The following IPP variants were observed in gnomAD, a reference collection of about 807,000 sequenced individuals.
IPP encodes the protein actin-binding protein IPP.
IPP carries 41 observed loss-of-function variants against 64.1 expected under a neutral mutation model. The observed-to-expected ratio is 0.64, with a 90% CI of 0.50 to 0.83. The LOEUF (loss-of-function observed/expected upper bound fraction) is 0.83, where lower values mean the gene tolerates loss of function less well. Ranked by LOEUF, IPP falls within the 40% of genes least tolerant of loss-of-function variation. The pLI is 0.00. For missense variants in IPP, 649 were observed against 703.0 expected (o/e 0.92, Z 0.87); for synonymous variants, 214 against 235.2 (o/e 0.91, Z 0.83).
At chr1:45,713,203 G>C (rs368833833) in intron 8 of IPP, among the ~76,000 whole-genome samples, 2 of 152,084 alleles carry the variant, frequency 1.3e-5, no homozygotes, top group Admixed American at 1.3e-4. Context: ...CAAGGCAGGA[G>C]AATCGCTTAA....
intron 2 of IPP, among the ~76,000 whole-genome samples, chr1:45,742,229 T>C (rs867497262): frequency 6.7e-6 from 1 of 149,834 alleles, no homozygotes; most frequent in African/African-American, 2.5e-5. Context: ...GAGTGGAGGG[T>C]AGGAGGAGGG....
chr1:45,727,000 G>T (rs1645837395), intron 5 of IPP, among the ~76,000 whole-genome samples: 1 of 151,880 alleles, frequency 6.6e-6, no homozygotes, highest in Non-Finnish European at 1.5e-5. Context: ...TGCTAGGAGG[G>T]ATTACAGGCA....
chr1:45,722,474 G>A (rs776419923), intron 5 of IPP, among the ~76,000 whole-genome samples: 4 of 152,094 alleles, frequency 2.6e-5, no homozygotes, highest in Non-Finnish European at 5.9e-5. Flanking sequence ...GAATCCAGGA[G>A]GCAGAGGTTG....
chr1:45,740,942 A>C lies in IPP; in HGVS notation c.683T>G (p.Phe228Cys), dbSNP rs150212183. Residue 228 changes from phenylalanine to cysteine, a missense_variant, in exon 3 of 9, where the codon TTC becomes TGC. Physicochemically the swap from Phe to Cys is radical, Grantham distance 205. Transcript: ENST00000396478. ...HVVEVLDPIR[F>C]PLLPPQRLLK... ...AAGTCTCTGAGGAGGTAATAAAGGG[A>C]ATCGAATTGGGTCTAGCACTTCCAC... 7.1e-5 allele frequency: 115 copies of C among 1,609,172 alleles called. No homozygotes were observed. Among genetic ancestry groups the C allele is most frequent in the Non-Finnish European group, 9.6e-5 (113 of 1,178,608 alleles).
At chr1:45,735,560 C>T (rs1645967500) in intron 3 of IPP, among the ~76,000 whole-genome samples, 1 of 144,522 alleles carries the variant, frequency 6.9e-6, no homozygotes, top group Non-Finnish European at 1.5e-5. Context: ...GCAGCCTCGA[C>T]CTCCTTGGCT....
At chr1:45,701,062 C>G (rs1645443934) in intron 8 of IPP, among the ~76,000 whole-genome samples, 1 of 152,172 alleles carries the variant, frequency 6.6e-6, no homozygotes, top group Non-Finnish European at 1.5e-5. Flanking sequence ...CTATAGTCTA[C>G]TTTGGTATAG....
At chr1:45,702,126 C>A (rs1048339759) in intron 8 of IPP, among the ~76,000 whole-genome samples, 2 of 152,136 alleles carry the variant, frequency 1.3e-5, no homozygotes, top group African/African-American at 4.8e-5. Context: ...AGAACCTTTG[C>A]TCTCCCACAA....
At chr1:45,698,697 A>G (rs1404247826), downstream of IPP, 5 of 961,812 alleles carry the variant, frequency 5.2e-6, no homozygotes, top group African/African-American at 9.1e-5. Context: ...AATCTAGCAA[A>G]AAAGGAAGAA....
At chr1:45,743,030 T>C (rs73612667) in intron 2 of IPP, among the ~76,000 whole-genome samples, 4 of 151,940 alleles carry the variant, frequency 2.6e-5, no homozygotes, top group Non-Finnish European at 1.5e-5. Flanking sequence ...CAACACCTCC[T>C]GGGTTCAAGT....
Position 45,701,735 on chromosome 1 carries a change from A to G in IPP, c.1531-1545T>C, listed in dbSNP as rs374720762. ...AATCTTTAAATAAAGCATATGATGA[A>G]CAAAGTTTTTTTAATCATAAATAGT... On this transcript the variant is annotated intron_variant, in intron 8 of 8. Coordinates refer to ENST00000396478, the MANE Select transcript of IPP (RefSeq NM_005897.3). 2.6e-5 allele frequency among the ~76,000 whole-genome samples: 4 copies of G among 152,350 alleles called. No individual in the cohort carries two copies. In the East Asian group the frequency reaches 7.7e-4, roughly 29 times the overall value.
intron 1 of IPP, among the ~76,000 whole-genome samples, chr1:45,746,969 T>C (rs1213939617): frequency 6.6e-6 from 1 of 152,182 alleles, no homozygotes; most frequent in Non-Finnish European, 1.5e-5. Flanking sequence ...CCTTTCCCCA[T>C]TGCTCCTCTG....
At chr1:45,708,362 C>G (rs1645542872) in intron 8 of IPP, among the ~76,000 whole-genome samples, 1 of 150,738 alleles carries the variant, frequency 6.6e-6, no homozygotes, top group African/African-American at 2.4e-5. Context: ...CCGCGCCCAG[C>G]CCAGGGTGAT....
intron 3 of IPP, among the ~76,000 whole-genome samples, chr1:45,737,074 G>C (rs1202819239): frequency 6.6e-6 from 1 of 151,458 alleles, no homozygotes; most frequent in East Asian, 1.9e-4. Flanking sequence ...AAAGCTGTAG[G>C]AAAACATGTC....
intron 7 of IPP, among the ~76,000 whole-genome samples, chr1:45,715,628 G>A (rs1408575121): frequency 6.7e-5 from 10 of 149,504 alleles, no homozygotes; most frequent in Non-Finnish European, 1.0e-4. Context: ...GCGACAGAGC[G>A]AGACTCCATC....
At chr1:45,694,501 CG>C, downstream of IPP, 1 of 1,537,528 alleles carries the variant, frequency 6.5e-7, no homozygotes, top group Non-Finnish European at 8.8e-7. Context: ...CGGAAAACCT[CG>C]TATCTGTGAG....
chr1:45,731,918 C>T (rs1645911621), intron 3 of IPP, among the ~76,000 whole-genome samples: 1 of 148,422 alleles, frequency 6.7e-6, no homozygotes, highest in African/African-American at 2.5e-5. Flanking sequence ...GCCTGGGTGA[C>T]AGAGCAACAC....
intron 5 of IPP, among the ~76,000 whole-genome samples, chr1:45,724,941 T>G (rs1248765873): frequency 0.012 from 1,136 of 94,036 alleles, 8 homozygotes; most frequent in African/African-American, 0.039. Context: ...GGTGAGGGGC[T>G]CCTCTGCCCG....
chr1:45,745,114 G>C (rs1423078438), intron 2 of IPP, among the ~76,000 whole-genome samples: 2 of 152,104 alleles, frequency 1.3e-5, no homozygotes, highest in African/African-American at 4.8e-5. Flanking sequence ...GTCCTGCATA[G>C]TCTTGAGCTC....
chr1:45,721,842 A>AGGC (rs1168828451), intron 5 of IPP, among the ~76,000 whole-genome samples: 1 of 152,208 alleles, frequency 6.6e-6, no homozygotes, highest in Non-Finnish European at 1.5e-5. Context: ...CGGGCAGATC[A>AGGC]CGAGGTCAGG....
Sources: gnomAD v4.1 joint callset for allele counts (sites outside exome capture counted in the v4.1 genomes callset) on GRCh38, gnomAD v4.1.1 for gene constraint, MANE v1.5 for transcripts, NCBI Gene and HGNC (gene_info 2026-07-23, HGNC 2026-07-21) for gene names.